Variants in RCOR2 observed in about 807,000 individuals in gnomAD.
RCOR2 encodes REST corepressor 2.
A neutral mutation model predicts 58.9 loss-of-function variants in RCOR2; 19 were observed. The ratio of observed to expected loss-of-function variants is 0.32; its 90% CI spans 0.23 to 0.47. The LOEUF (loss-of-function observed/expected upper bound fraction) is 0.47, where lower values mean the gene tolerates loss of function less well. Ranked by LOEUF, RCOR2 falls within the 20% of genes least tolerant of loss-of-function variation. RCOR2 has a pLI of 1.00. For synonymous variants in RCOR2, 286 were observed against 278.7 expected, an observed-to-expected ratio of 1.03 and a Z score of -0.26; for missense variants, 590 against 707.9, an observed-to-expected ratio of 0.83 and a Z score of 1.89.
upstream of RCOR2, among the ~76,000 whole-genome samples, chr11:63,922,156 C>T (rs73494164): frequency 0.014 from 2,195 of 152,284 alleles, 52 homozygotes; most frequent in African/African-American, 0.048. Flanking sequence ...TGCTCTTGGA[C>T]TTCCCAGCCT....
upstream of RCOR2, among the ~76,000 whole-genome samples, chr11:63,920,975 C>T (rs1941911516): frequency 6.6e-6 from 1 of 152,212 alleles, no homozygotes; most frequent in African/African-American, 2.4e-5. Flanking sequence ...CACCCCGGCA[C>T]GGTGGCCGTG....
At chr11:63,926,933 T>C in the RCOR2 span, among the ~76,000 whole-genome samples, 1 of 151,854 alleles carries the variant, frequency 6.6e-6, no homozygotes, top group Non-Finnish European at 1.5e-5. Flanking sequence ...ATGGTTCTCC[T>C]ATCTCAGTCT....
chr11:63,913,160 T>TTA (rs1382835642), intron 8 of RCOR2, among the ~76,000 whole-genome samples: 1 of 40,174 alleles, frequency 2.5e-5, no homozygotes, highest in Non-Finnish European at 6.7e-5. Context: ...TATTTTTATT[T>TTA]TTTATATATA....
At chr11:63,914,868 C>T in intron 4 of RCOR2, 34 bp downstream of exon 4, 1 of 1,612,258 alleles carries the variant, frequency 6.2e-7, no homozygotes, top group Non-Finnish European at 8.5e-7. Context: ...CACCGTTCCA[C>T]CCCATTCCCA....
intron 3 of RCOR2, 47 bp downstream of exon 3, chr11:63,915,131 C>G: frequency 6.6e-7 from 1 of 1,523,458 alleles, no homozygotes; most frequent in Non-Finnish European, 8.9e-7. Context: ...TAGCTTGGAG[C>G]TGGGATGAAC....
chr11:63,913,568 C>T (rs570518109), intron 8 of RCOR2, among the ~76,000 whole-genome samples: 10 of 149,612 alleles, frequency 6.7e-5, no homozygotes, highest in East Asian at 4.1e-4. Flanking sequence ...CTGCAACCTC[C>T]GCCTCCCAAG....
At chr11:63,913,479 C>T (rs1181076527) in intron 8 of RCOR2, among the ~76,000 whole-genome samples, 1 of 105,134 alleles carries the variant, frequency 9.5e-6, no homozygotes, top group Non-Finnish European at 2.2e-5. Context: ...TATGAGCCAC[C>T]GTGCTCGGCC....
At position 63,911,747 on chromosome 11, in the gene RCOR2, G is replaced by T; in HGVS notation, c.*118C>A. On this transcript the variant is annotated 3_prime_UTR_variant, in exon 12 of 12. Coordinates refer to ENST00000301459, the MANE Select transcript of RCOR2 (RefSeq NM_173587.4). ...GCGGGGCTGGGCTGTCCGAAACTCT[G>T]GTCTTACAAAGACCCCGCCAGAGCC... 2.9e-6 allele frequency: 4 copies of T among 1,378,630 alleles called. No individual in the cohort carries two copies. The highest frequency in any genetic ancestry group is 1.7e-5 in the South Asian group (1 of 57,662). 85.4% of individuals were successfully genotyped at this position (1,378,630 alleles called of 1,614,324 possible).
At position 63,915,160 on chromosome 11, in the gene RCOR2, G is replaced by A. The variant is rs1161362261; in HGVS notation, c.265+18C>T. On this transcript the variant is annotated intron_variant, in intron 3 of 11. Transcript: ENST00000301459. ...GATGAACCCAAGCCCCCACCTCCCA[G>A]GGCTGTGCCCCACTCACGCTTGGCA... 14 of 1,549,804 alleles carry A rather than the reference G, an allele frequency of 9.0e-6. No homozygotes were observed. Among genetic ancestry groups the A allele is most frequent in the Non-Finnish European group, 1.2e-5 (14 of 1,145,328 alleles).
Position 63,912,151 on chromosome 11 carries a change from A to G in RCOR2, c.1286T>C (p.Val429Ala). ...TGGCGCAGGGGGCACTGATCGGGGC[A>G]CGGACGTGGAGACCGATGTAATCTG... The part of the protein sequence containing the change: ...EVQITSVSTS[V>A]PRSVPPAPPP... Residue 429 changes from valine to alanine, a missense_variant, in exon 12 of 12, where the codon GTG becomes GCG. Around this residue, in one of 3 missense-constraint regions of RCOR2, gnomAD observed 196 missense variants for 210.7 expected, o/e 0.93. Coordinates refer to ENST00000301459, the MANE Select transcript of RCOR2 (RefSeq NM_173587.4). 6.5e-7 allele frequency: 1 copy of G among 1,537,562 alleles called. No individual in the cohort carries two copies. The highest frequency in any genetic ancestry group is 8.7e-7 in the Non-Finnish European group (1 of 1,145,764).
chr11:63,913,162 T>TA lies in RCOR2; in HGVS notation c.892-216_892-215insT, dbSNP rs1491119458. On this transcript the variant is annotated intron_variant, in intron 8 of 11. Transcript: ENST00000301459. ...GCAGACCAGTTTATATTTTTATTTT[T>TA]TATATATATATATATATATATATTT... 4.9e-3 allele frequency among the ~76,000 whole-genome samples: 336 copies of TA among 68,096 alleles called. 6 individuals carry two copies. The highest frequency in any genetic ancestry group is 0.011 in the South Asian group (17 of 1,576). The allele number at this position is 68,096 out of a possible 152,430, so 44.7% of individuals were successfully genotyped here.
Position 63,912,787 on chromosome 11 carries a change from C to G in RCOR2, c.970-54G>C. 2.5e-6 allele frequency: 4 copies of G among 1,607,910 alleles called. No homozygotes were observed. In the South Asian group the frequency reaches 3.3e-5, roughly 13 times the overall value. On this transcript the variant is annotated intron_variant, in intron 9 of 11. Coordinates refer to ENST00000301459, the MANE Select transcript of RCOR2 (RefSeq NM_173587.4). ...AGACTCAAAACCATGCAAATGGAAGCCCTGCTCCCCAAGCAGTACTCTTTC... is the reference window on the plus strand; with the variant it reads ...AGACTCAAAACCATGCAAATGGAAGGCCTGCTCCCCAAGCAGTACTCTTTC...
the RCOR2 span, among the ~76,000 whole-genome samples, chr11:63,927,600 G>A: frequency 2.6e-5 from 4 of 152,126 alleles, no homozygotes; most frequent in African/African-American, 4.8e-5. Flanking sequence ...ACTGGAGGCT[G>A]TGAGCCCAGA....
chr11:63,919,542 C>T (rs565293737), upstream of RCOR2, among the ~76,000 whole-genome samples: 6 of 152,262 alleles, frequency 3.9e-5, no homozygotes, highest in East Asian at 1.2e-3. Context: ...AAATCGTCCT[C>T]CCCCAGGCCT....
chr11:63,917,343 G>T (rs967413612), upstream of RCOR2, among the ~76,000 whole-genome samples: 1 of 152,060 alleles, frequency 6.6e-6, no homozygotes, highest in East Asian at 1.9e-4. Context: ...CGCGCGTCCC[G>T]CTGCGGGGGC....
chr11:63,914,792 T>C lies in RCOR2; in HGVS notation c.343A>G (p.Lys115Glu). 1 of 1,611,456 alleles carries C rather than the reference T, an allele frequency of 6.2e-7. No homozygotes were observed. Among genetic ancestry groups the C allele is most frequent in the East Asian group, 2.2e-5 (1 of 44,854 alleles). ...EQALGMLLWHKHDVEKSLADL... is the reference protein window; with the variant it reads ...EQALGMLLWHEHDVEKSLADL... ...GCCAGCGACTTCTCCACATCGTGCT[T>C]ATGCCACAGAAGCATGCCCAGCGCC... The change falls in exon 5 of 12, where the codon AAG (lysine) becomes GAG (glutamate). Residue 115 changes from lysine to glutamate, a missense_variant. By Grantham distance (56) the Lys-to-Glu change is moderately conservative (BLOSUM62 1). This residue lies in a region of RCOR2 where 390 missense variants were observed against 478.7 expected (regional missense o/e 0.81). Transcript: ENST00000301459.
intron 1 of RCOR2, 82 bp from the exon 2 acceptor site, chr11:63,915,693 C>T: frequency 7.8e-7 from 1 of 1,274,628 alleles, no homozygotes; most frequent in Non-Finnish European, 1.1e-6. Context: ...AGGTGGCCGG[C>T]CTGGAGTTCT....
chr11:63,922,185 T>C, the RCOR2 span, among the ~76,000 whole-genome samples: 1 of 152,158 alleles, frequency 6.6e-6, no homozygotes, highest in Non-Finnish European at 1.5e-5. Context: ...GTGAGCCAAA[T>C]AAACTTTTTT....
chr11:63,911,595 A>G lies in RCOR2; in HGVS notation c.*270T>C, dbSNP rs1941756249. The stretch of plus-strand genomic sequence containing the variant: ...CCCAGAGGCCAAGCCCCAGCAGACT[A>G]GGACACAGCCATTCCAGTACCGGCC... On this transcript the variant is annotated 3_prime_UTR_variant, in exon 12 of 12. Transcript: ENST00000301459. 2 of 392,886 alleles carry G rather than the reference A, an allele frequency of 5.1e-6. No individual in the cohort carries two copies. Among genetic ancestry groups the G allele is most frequent in the Non-Finnish European group, 8.9e-6 (2 of 224,010 alleles). The allele number at this position is 392,886 out of a possible 1,614,324, so 24.3% of individuals were successfully genotyped here. A position where few individuals can be genotyped will look rare whatever the true frequency, so the allele number is the denominator to read the frequency against.
Sources: gnomAD v4.1 joint callset for allele counts (sites outside exome capture counted in the v4.1 genomes callset) on GRCh38, gnomAD v4.1.1 for gene constraint, gnomAD v4.1.1 regional missense constraint, MANE v1.5 for transcripts, NCBI Gene and HGNC (gene_info 2026-07-23, HGNC 2026-07-21) for gene names.